The following BUB3 variants were observed in gnomAD, a reference collection of about 807,000 sequenced individuals.
BUB3 encodes the protein mitotic checkpoint protein BUB3.
In BUB3, 22 loss-of-function variants were observed where a neutral mutation model predicts 39.9. That is an observed-to-expected ratio of 0.55 (90% confidence interval 0.39 to 0.79). The LOEUF (loss-of-function observed/expected upper bound fraction) is 0.79, where lower values mean the gene tolerates loss of function less well. Ranked by LOEUF, BUB3 falls within the 30% of genes least tolerant of loss-of-function variation. BUB3 has a pLI of 0.00. For synonymous variants in BUB3, 168 were observed against 155.1 expected (o/e 1.08, Z -0.62); for missense variants, 303 against 415.4 (o/e 0.73, Z 2.35).
At chr10:123,162,925 C>T (rs916356143) in intron 7 of BUB3, 97 bp downstream of exon 7, 52 of 1,133,426 alleles carry the variant, frequency 4.6e-5, no homozygotes, top group East Asian at 3.3e-4. Context: ...GATGCCTGCT[C>T]GATATTACAG....
In BUB3 at chr10:123,165,131, T is replaced by A. The variant is rs553915820; in HGVS notation, c.*1296T>A. ...AAATACATGCTTATTCCTTAAGGGA[T>A]GTGTTAGAGTTACTGTGGATTTCTC... On this transcript the variant is annotated 3_prime_UTR_variant, in exon 8 of 8. Transcript: ENST00000368865. 117 of 1,497,556 alleles carry A rather than the reference T, an allele frequency of 7.8e-5. 1 individual carries two copies. In the South Asian group the frequency reaches 1.3e-3, roughly 17 times the overall value. The allele number at this position is 1,497,556 out of a possible 1,614,324, so 92.8% of individuals were successfully genotyped here. A position where few individuals can be genotyped will look rare whatever the true frequency, so the allele number is the denominator to read the frequency against.
At chr10:123,162,865 C>G (rs1268871129) in intron 7 of BUB3, 37 bp downstream of exon 7, 12 of 1,564,872 alleles carry the variant, frequency 7.7e-6, no homozygotes, top group Non-Finnish European at 1.1e-5. Context: ...CCTTTTCTTG[C>G]ATTCAACCCA....
Position 123,162,117 on chromosome 10 carries a change from C to A in BUB3, c.577-119C>A, listed in dbSNP as rs2289184. The A allele has an allele frequency of 0.011, 9,621 of 895,894 alleles. 577 individuals are homozygous for A. The East Asian group carries it at 0.16, about 15-fold the overall frequency. 55.5% of individuals were successfully genotyped at this position (895,894 alleles called of 1,614,324 possible). A position where few individuals can be genotyped will look rare whatever the true frequency, so the allele number is the denominator to read the frequency against. On this transcript the variant is annotated intron_variant, in intron 5 of 7. Transcript: ENST00000368865. ...TACAGCCTAAACACTTCATTAAAGC[C>A]TGCTGTACTTCTCATTTCTGAAATA...
rs141045488 is a variant in BUB3, at chr10:123,164,141, A to G, written c.*306A>G. On this transcript the variant is annotated 3_prime_UTR_variant, in exon 8 of 8. Transcript: ENST00000368865. Reference sequence around the variant, plus strand: ...TTTTTTGTTTCCACTGTGGAAATAAATGTTTGTAAATAAGTGTAATAAAAA... The same window carrying G: ...TTTTTTGTTTCCACTGTGGAAATAAGTGTTTGTAAATAAGTGTAATAAAAA... 1.5e-5 allele frequency: 16 copies of G among 1,076,344 alleles called. No individual in the cohort carries two copies. In the East Asian group the frequency reaches 9.5e-4, roughly 64 times the overall value. 66.7% of individuals were successfully genotyped at this position (1,076,344 alleles called of 1,614,324 possible).
chr10:123,160,705 C>G, intron 5 of BUB3, 140 bp downstream of exon 5: 1 of 827,724 alleles, frequency 1.2e-6, no homozygotes. Context: ...TGTATTCTTC[C>G]TTGATATTTT....
intron 6 of BUB3, 93 bp from the exon 7 acceptor site, chr10:123,162,519 A>G (rs1357187777): frequency 6.5e-7 from 1 of 1,549,904 alleles, no homozygotes; most frequent in African/African-American, 1.4e-5. Context: ...GGGAAATGTA[A>G]CTTCTATGAC....
intron 1 of BUB3, 55 bp from the exon 2 acceptor site, chr10:123,154,863 A>G: frequency 6.5e-7 from 1 of 1,543,808 alleles, no homozygotes; most frequent in Non-Finnish European, 8.8e-7. Flanking sequence ...CCAGGCTGTC[A>G]GTGCGCAGCC....
Position 123,165,157 on chromosome 10 carries a change from T to C in BUB3, c.*1322T>C. The C allele has an allele frequency of 7.1e-7, 1 of 1,408,952 alleles. No individual in the cohort carries two copies. The highest frequency in any genetic ancestry group is 9.9e-7 in the Non-Finnish European group (1 of 1,006,422). The allele number at this position is 1,408,952 out of a possible 1,614,324, so 87.3% of individuals were successfully genotyped here. ...GTGTTAGAGTTACTGTGGATTTCTC[T>C]GTTTTCTGTCTTACAAGAAACTTGT... On this transcript the variant is annotated 3_prime_UTR_variant, in exon 8 of 8. Transcript: ENST00000368865.
At chr10:123,163,050 C>CA (rs1253656448) in intron 7 of BUB3, 8 of 529,988 alleles carry the variant, frequency 1.5e-5, no homozygotes, top group Non-Finnish European at 2.3e-5. Context: ...AGAAGAATGT[C>CA]AAACTCTTAT....
rs903357951 is a variant in BUB3 at position 123,169,453 on chromosome 10, G to A, written c.*5618G>A. 2 of 152,208 alleles carry A rather than the reference G, an allele frequency of 1.3e-5. No homozygotes were observed. Among genetic ancestry groups the A allele is most frequent in the African/African-American group, 4.8e-5 (2 of 41,448 alleles). The allele number at this position is 152,208 out of a possible 1,614,324, so 9.4% of individuals were successfully genotyped here. A position where few individuals can be genotyped will look rare whatever the true frequency, so the allele number is the denominator to read the frequency against. Reference sequence around the variant, plus strand: ...GTGACAGATGCTGTGATACCACAACGTGGCCACATTTTGTTTTCAAGACCT... The same window carrying A: ...GTGACAGATGCTGTGATACCACAACATGGCCACATTTTGTTTTCAAGACCT... On this transcript the variant is annotated 3_prime_UTR_variant, in exon 8 of 8. Coordinates refer to ENST00000368865, the MANE Select transcript of BUB3 (RefSeq NM_004725.4).
rs1589687316 is a variant in BUB3 at position 123,154,760 on chromosome 10, G to A, written c.1-158G>A. 4 of 767,922 alleles carry A rather than the reference G, an allele frequency of 5.2e-6. No individual in the cohort carries two copies. In the East Asian group the frequency reaches 1.2e-4, roughly 23 times the overall value. 47.6% of individuals were successfully genotyped at this position (767,922 alleles called of 1,614,324 possible). Reference sequence around the variant, plus strand: ...GGGGGCCGGATGATGGGGCGAGTCCGGACCTTGGCGGGCGAGTGCTCGGCG... The same window carrying A: ...GGGGGCCGGATGATGGGGCGAGTCCAGACCTTGGCGGGCGAGTGCTCGGCG... On this transcript the variant is annotated intron_variant, in intron 1 of 7. Transcript: ENST00000368865.
intron 4 of BUB3, 107 bp downstream of exon 4, chr10:123,157,987 T>TG: frequency 1.6e-6 from 2 of 1,219,222 alleles, no homozygotes; most frequent in Non-Finnish European, 2.2e-6. Context: ...AAAGTCAACA[T>TG]GGGGGGAAAA....
At position 123,163,870 on chromosome 10, in the gene BUB3, T is replaced by A. The variant is rs1366602287; in HGVS notation, c.*35T>A. On this transcript the variant is annotated 3_prime_UTR_variant, in exon 8 of 8. Coordinates refer to ENST00000368865, the MANE Select transcript of BUB3 (RefSeq NM_004725.4). ...ATTTACTTAAGTGCCATGTTGATGA[T>A]AATAAAACAATTCGTACTCCCCAAT... 6.3e-7 allele frequency: 1 copy of A among 1,591,072 alleles called. No homozygotes were observed. The highest frequency in any genetic ancestry group is 1.7e-5 in the Admixed American group (1 of 58,728).
At chr10:123,163,765 G>A in intron 7 of BUB3, 55 bp from the exon 8 acceptor site, 1 of 1,495,604 alleles carries the variant, frequency 6.7e-7, no homozygotes, top group Admixed American at 1.7e-5. Context: ...TGTATCTCCT[G>A]TCCTGGCTGG....
At chr10:123,155,231 C>G in intron 2 of BUB3, 119 bp downstream of exon 2, 1 of 1,177,860 alleles carries the variant, frequency 8.5e-7, no homozygotes, top group Non-Finnish European at 1.2e-6. Flanking sequence ...TTGGACAGTT[C>G]TTTAGCTTTT....
At chr10:123,156,167 G>A (rs572284916) in intron 3 of BUB3, among the ~76,000 whole-genome samples, 1 of 152,266 alleles carries the variant, frequency 6.6e-6, no homozygotes, top group African/African-American at 2.4e-5. Flanking sequence ...AATTGTGTTT[G>A]TTTTAGGTAT....
In BUB3 at chr10:123,154,787, A is replaced by G. The variant is rs770861412; in HGVS notation, c.1-131A>G. ...ACCTTGGCGGGCGAGTGCTCGGCGC[A>G]GGCGCAAGCGCAGAGTCTCCTCGCG... is the stretch of plus-strand genomic sequence containing the variant. On this transcript the variant is annotated intron_variant, in intron 1 of 7. Coordinates refer to ENST00000368865, the MANE Select transcript of BUB3 (RefSeq NM_004725.4). 5 of 987,168 alleles carry G rather than the reference A, an allele frequency of 5.1e-6. No individual in the cohort carries two copies. The South Asian group carries it at 6.6e-5, about 13-fold the overall frequency. The allele number at this position is 987,168 out of a possible 1,614,324, so 61.2% of individuals were successfully genotyped here.
At chr10:123,159,393 C>A (rs1844389499) in intron 4 of BUB3, among the ~76,000 whole-genome samples, 1 of 152,124 alleles carries the variant, frequency 6.6e-6, no homozygotes, top group South Asian at 2.1e-4. Flanking sequence ...TTTTTTATGG[C>A]AGTTCTTCAG....
Position 123,165,142 on chromosome 10 carries a change from T to C in BUB3, c.*1307T>C, listed in dbSNP as rs1041106071. The C allele has an allele frequency of 6.8e-7, 1 of 1,465,366 alleles. No homozygotes were observed. Among genetic ancestry groups the C allele is most frequent in the Non-Finnish European group, 9.5e-7 (1 of 1,053,750 alleles). 90.8% of individuals were successfully genotyped at this position (1,465,366 alleles called of 1,614,324 possible). On this transcript the variant is annotated 3_prime_UTR_variant, in exon 8 of 8. Transcript: ENST00000368865. ...TATTCCTTAAGGGATGTGTTAGAGT[T>C]ACTGTGGATTTCTCTGTTTTCTGTC...
Sources: gnomAD v4.1 joint callset for allele counts (sites outside exome capture counted in the v4.1 genomes callset) on GRCh38, gnomAD v4.1.1 for gene constraint, MANE v1.5 for transcripts, NCBI Gene and HGNC (gene_info 2026-07-23, HGNC 2026-07-21) for gene names.